JMJD1C: variants seen among roughly 807,000 people sequenced by gnomAD.
JMJD1C encodes jumonji domain containing 1C.
In JMJD1C, 31 loss-of-function variants were observed where a neutral mutation model predicts 245.3. The observed-to-expected ratio is 0.13, with a 90% confidence interval of 0.09 to 0.17. JMJD1C has a LOEUF of 0.17. Ranked by LOEUF, JMJD1C falls within the 10% of genes least tolerant of loss-of-function variation. The pLI is 1.00. For synonymous variants in JMJD1C, 1,057 were observed against 1,017.4 expected, an observed-to-expected ratio of 1.04 and a Z score of -0.74; for missense variants, 2,691 against 3,000.2, an observed-to-expected ratio of 0.90 and a Z score of 2.41.
At chr10:63,390,406 G>C (rs1947962010) in intron 1 of JMJD1C, among the ~76,000 whole-genome samples, 1 of 152,024 alleles carries the variant, frequency 6.6e-6, no homozygotes, top group African/African-American at 2.4e-5. Flanking sequence ...CAAAAAAGAA[G>C]AGTTCAGGAT....
At position 63,215,299 on chromosome 10, in the gene JMJD1C, T is replaced by C; in HGVS notation, c.979A>G (p.Met327Val). Residue 327 changes from methionine (M) to valine (V), a missense_variant, in exon 7 of 26, where the codon ATG becomes GTG. Met to Val is a conservative substitution (Grantham distance 21, BLOSUM62 1). Transcript: ENST00000399262. ...ATATAATCATATTTTTCCTCCTTCA[T>C]CTTCTCTTCATCTGGTATACTGCTA... ...SDSSIPDEEK[M>V]KEEKYDYISR... 2.5e-6 allele frequency: 4 copies of C among 1,614,016 alleles called. No homozygotes were observed. Among genetic ancestry groups the C allele is most frequent in the East Asian group, 2.2e-5 (1 of 44,886 alleles).
chr10:63,439,711 A>G (rs185098881), intron 1 of JMJD1C, among the ~76,000 whole-genome samples: 1 of 152,224 alleles, frequency 6.6e-6, no homozygotes, highest in African/African-American at 2.4e-5. Flanking sequence ...ATTGAAAAAC[A>G]GACCGTATAA....
At chr10:63,280,652 T>G (rs551738611) in intron 2 of JMJD1C, among the ~76,000 whole-genome samples, 8 of 152,202 alleles carry the variant, frequency 5.3e-5, no homozygotes, top group Non-Finnish European at 1.0e-4. Context: ...AAGATTCTTT[T>G]CAATTCTAAG....
Position 63,176,294 on chromosome 10 carries a change from T to C in JMJD1C, c.7401+3A>G, listed in dbSNP as rs368879650. ...AATATGTTAGAAATAAGTTTGTATA[T>C]ACCTGATGAAGTGCTCCCGCTGGCA... On this transcript the variant is annotated splice_donor_region_variant and intron_variant, in intron 24 of 25. Transcript: ENST00000399262. 56 of 1,607,578 alleles carry C rather than the reference T, an allele frequency of 3.5e-5. No individual in the cohort carries two copies. The highest frequency in any genetic ancestry group is 4.1e-5 in the Non-Finnish European group (48 of 1,176,788).
At chr10:63,330,196 C>A (rs574438023) in intron 2 of JMJD1C, among the ~76,000 whole-genome samples, 1 of 152,320 alleles carries the variant, frequency 6.6e-6, no homozygotes, top group Non-Finnish European at 1.5e-5. Context: ...GCCACCACAC[C>A]CGGCCCTAAG....
Position 63,207,186 on chromosome 10 carries a change from T to C in JMJD1C, c.4483A>G (p.Lys1495Glu), listed in dbSNP as rs148283530. The C allele has an allele frequency of 1.1e-4, 177 of 1,614,218 alleles. No homozygotes were observed. The highest frequency in any genetic ancestry group is 4.9e-4 in the Middle Eastern group (3 of 6,062). ...TCAGTCTCACTGGCATTACTACTTT[T>C]ATACTGAGCTGCAGCCAATGCTGCC... ...HKAALAAAQYKSSNASETEPN... is the reference protein window; with the variant it reads ...HKAALAAAQYESSNASETEPN... The change falls in exon 10 of 26, where the codon AAA becomes GAA. Residue 1495 changes from lysine to glutamate, a missense_variant. Transcript: ENST00000399262.
intron 1 of JMJD1C, among the ~76,000 whole-genome samples, chr10:63,516,115 C>G (rs1955010827): frequency 6.9e-6 from 1 of 144,220 alleles, no homozygotes. Flanking sequence ...TATTAAATGG[C>G]TGGCTGGTTG....
chr10:63,174,487 CA>C (rs1338056942), intron 24 of JMJD1C, among the ~76,000 whole-genome samples: 1 of 151,742 alleles, frequency 6.6e-6, no homozygotes, highest in Non-Finnish European at 1.5e-5. Flanking sequence ...ACTATAGGGA[CA>C]AAAAAGCAGA....
chr10:63,337,445 GAA>G (rs1306711156), intron 2 of JMJD1C, among the ~76,000 whole-genome samples: 1 of 55,652 alleles, frequency 1.8e-5, no homozygotes, highest in Non-Finnish European at 3.4e-5. Flanking sequence ...CCGTCAGAAA[GAA>G]AGAGAAGGCG....
chr10:63,517,186 G>A (rs1050787561), intron 1 of JMJD1C, among the ~76,000 whole-genome samples: 1 of 152,080 alleles, frequency 6.6e-6, no homozygotes, highest in Admixed American at 6.5e-5. Context: ...TAATTACAGC[G>A]ATCAGACATT....
At chr10:63,330,682 T>G (rs1416355176) in intron 2 of JMJD1C, among the ~76,000 whole-genome samples, 1 of 152,170 alleles carries the variant, frequency 6.6e-6, no homozygotes, top group Non-Finnish European at 1.5e-5. Context: ...TATATCTCAT[T>G]TGTTCTGAAG....
intron 1 of JMJD1C, among the ~76,000 whole-genome samples, chr10:63,405,511 C>T (rs372196457): frequency 7.7e-4 from 117 of 151,820 alleles, no homozygotes; most frequent in African/African-American, 2.0e-3. Flanking sequence ...TTAATACAGA[C>T]GACGTTTCAC....
chr10:63,257,959 C>A (rs112041234), intron 3 of JMJD1C, among the ~76,000 whole-genome samples: 1 of 152,048 alleles, frequency 6.6e-6, no homozygotes, highest in African/African-American at 2.4e-5. Flanking sequence ...CTAGGGAAGA[C>A]TAGTAAGAAA....
At position 63,207,703 on chromosome 10, in the gene JMJD1C, C is replaced by T. The variant is rs1846808071; in HGVS notation, c.3966G>A (p.Gln1322=). 1 of 1,614,194 alleles carries T rather than the reference C, an allele frequency of 6.2e-7. No homozygotes were observed. The highest frequency in any genetic ancestry group is 2.2e-5 in the East Asian group (1 of 44,888). ...STKTDSMPAM[Q]LASKDRVSER... is the part of the protein sequence containing the mutation. ...CACTAACACGATCTTTAGAAGCTAA[C>T]TGCATTGCTGGCATACTATCAGTTT... is the stretch of plus-strand genomic sequence containing the variant. The change falls in exon 10 of 26, where the codon CAG becomes CAA. Residue 1322 remains glutamine, a synonymous_variant. Transcript: ENST00000399262.
At chr10:63,310,539 TAGTA>T (rs1939036975) in intron 2 of JMJD1C, among the ~76,000 whole-genome samples, 2 of 152,204 alleles carry the variant, frequency 1.3e-5, no homozygotes, top group Admixed American at 1.3e-4. Flanking sequence ...GCAGATTACT[TAGTA>T]AGTGCTGCTT....
Position 63,517,128 on chromosome 10 carries a change from G to C in JMJD1C, n.113+4610C>G, listed in dbSNP as rs554677369. On this transcript the variant is annotated intron_variant and non_coding_transcript_variant, in intron 1 of 3. Transcript: ENST00000633035. Reference sequence around the variant, plus strand: ...AGCCACTGAAAATGCTCTCTTAATAGAAATGCGAAGGTGACCTAGTATTCA... The same window carrying C: ...AGCCACTGAAAATGCTCTCTTAATACAAATGCGAAGGTGACCTAGTATTCA... 3.3e-5 allele frequency among the ~76,000 whole-genome samples: 5 copies of C among 152,182 alleles called. No homozygotes were observed. The East Asian group carries it at 9.6e-4, about 29-fold the overall frequency.
chr10:63,323,577 C>CA (rs1222249816), intron 2 of JMJD1C, among the ~76,000 whole-genome samples: 2 of 152,118 alleles, frequency 1.3e-5, no homozygotes, highest in African/African-American at 4.8e-5. Flanking sequence ...AGTTATAAAA[C>CA]AATGTTATCC....
intron 2 of JMJD1C, among the ~76,000 whole-genome samples, chr10:63,337,613 G>GA (rs761619002): frequency 0.15 from 6,507 of 43,320 alleles, 484 homozygotes; most frequent in African/African-American, 0.25. Context: ...GAAAAGAAAA[G>GA]AAAAGAAAAG....
chr10:63,207,612 T>G lies in JMJD1C; in HGVS notation c.4057A>C (p.Arg1353=). The part of the protein sequence containing the change: ...LKLAEAGETG[R]IILPNVNSDS... ...GAATTCACATTTGGCAAAATGATTCTTCCAGTTTCTCCGGCTTCTGCTAGT... is the reference window on the plus strand; with the variant it reads ...GAATTCACATTTGGCAAAATGATTCGTCCAGTTTCTCCGGCTTCTGCTAGT... Residue 1353 remains arginine, a synonymous_variant, in exon 10 of 26, where the codon AGA becomes CGA. Transcript: ENST00000399262. 1.9e-6 allele frequency: 3 copies of G among 1,614,194 alleles called. No individual in the cohort carries two copies. The highest frequency in any genetic ancestry group is 2.5e-6 in the Non-Finnish European group (3 of 1,180,034).
Sources: allele counts gnomAD v4.1 joint callset (sites outside exome capture counted in the v4.1 genomes callset), GRCh38; gene constraint gnomAD v4.1.1; transcripts MANE v1.5; gene names NCBI Gene and HGNC (gene_info 2026-07-23, HGNC 2026-07-21).